Variants in PDE4B observed in about 807,000 individuals in gnomAD.
PDE4B encodes phosphodiesterase 4B, also known as 3',5'-cyclic-AMP phosphodiesterase 4B.
In PDE4B, 20 loss-of-function variants were observed where a neutral mutation model predicts 82.2. That is an observed-to-expected ratio of 0.24 (90% CI 0.17 to 0.35). PDE4B has a LOEUF of 0.35. Among genes scored for constraint, PDE4B ranks in the 10% least tolerant of loss-of-function variants. The pLI is 1.00. For missense variants in PDE4B, 655 were observed against 907.2 expected, an observed-to-expected ratio of 0.72 and a Z score of 3.57; for synonymous variants, 320 against 318.9, an observed-to-expected ratio of 1.00 and a Z score of -0.04.
intron 1 of PDE4B, among the ~76,000 whole-genome samples, chr1:65,900,192 G>A (rs78091177): frequency 0.014 from 2,144 of 151,906 alleles, 63 homozygotes; most frequent in African/African-American, 0.05. Context: ...AGCCAGTTAC[G>A]CCAGCACCAC....
chr1:66,066,912 A>G (rs1325448792), intron 3 of PDE4B, among the ~76,000 whole-genome samples: 1 of 152,048 alleles, frequency 6.6e-6, no homozygotes, highest in Admixed American at 6.6e-5. Flanking sequence ...AAACCTCACA[A>G]GATTATTCTG....
At chr1:66,198,726 A>C (rs923222881) in intron 3 of PDE4B, among the ~76,000 whole-genome samples, 3 of 152,014 alleles carry the variant, frequency 2.0e-5, no homozygotes, top group African/African-American at 4.8e-5. Flanking sequence ...CGTCATTTAG[A>C]ATTAGGTATA....
chr1:66,285,236 A>G (rs1156411706), intron 7 of PDE4B, among the ~76,000 whole-genome samples: 6 of 150,482 alleles, frequency 4.0e-5, no homozygotes. Flanking sequence ...CACCAATTCC[A>G]CTCTTAGATA....
intron 3 of PDE4B, among the ~76,000 whole-genome samples, chr1:66,071,991 T>C (rs1656178143): frequency 6.6e-6 from 1 of 152,066 alleles, no homozygotes; most frequent in Non-Finnish European, 1.5e-5. Context: ...TTTGTCAGTT[T>C]AGTGTTCTCT....
chr1:66,107,218 T>G (rs978420594), intron 3 of PDE4B, among the ~76,000 whole-genome samples: 23 of 152,020 alleles, frequency 1.5e-4, no homozygotes, highest in African/African-American at 2.2e-4. Context: ...TCAGGAGCAG[T>G]TTGTTCAGTT....
intron 3 of PDE4B, among the ~76,000 whole-genome samples, chr1:66,055,510 A>G (rs1481804788): frequency 1.3e-5 from 2 of 152,222 alleles, no homozygotes; most frequent in Non-Finnish European, 2.9e-5. Context: ...TTGATTTTCT[A>G]CTTCTTTCAA....
At chr1:66,318,841 C>G (rs528663885) in intron 7 of PDE4B, among the ~76,000 whole-genome samples, 26 of 152,314 alleles carry the variant, frequency 1.7e-4, no homozygotes, top group African/African-American at 5.8e-4. Flanking sequence ...TACAGCACAT[C>G]TGACCAGAGA....
At chr1:65,859,839 A>G (rs1161652788) in intron 1 of PDE4B, among the ~76,000 whole-genome samples, 1 of 152,144 alleles carries the variant, frequency 6.6e-6, no homozygotes, top group African/African-American at 2.4e-5. Flanking sequence ...AAATTTCTCC[A>G]CTCTTCTTAT....
chr1:65,891,550 T>G (rs1646853532), intron 1 of PDE4B, among the ~76,000 whole-genome samples: 1 of 152,056 alleles, frequency 6.6e-6, no homozygotes, highest in Non-Finnish European at 1.5e-5. Context: ...TCACATGTAG[T>G]CAAGCTCATT....
At chr1:65,924,068 A>T (rs1267583713) in intron 3 of PDE4B, among the ~76,000 whole-genome samples, 2 of 65,364 alleles carry the variant, frequency 3.1e-5, no homozygotes, top group African/African-American at 9.2e-5. Context: ...TCTGCCTTCC[A>T]GTTTGCTAAT....
intron 3 of PDE4B, among the ~76,000 whole-genome samples, chr1:65,965,143 A>G (rs1649746782): frequency 6.6e-6 from 1 of 151,890 alleles, no homozygotes; most frequent in Non-Finnish European, 1.5e-5. Flanking sequence ...CTGCCCTTTT[A>G]TTTAGGGACA....
chr1:66,159,496 C>T (rs1646567118), intron 3 of PDE4B, among the ~76,000 whole-genome samples: 1 of 152,056 alleles, frequency 6.6e-6, no homozygotes. Context: ...CTGCCTTGGC[C>T]TCCCAAAGTG....
At chr1:66,197,008 A>T (rs1648371438) in intron 3 of PDE4B, among the ~76,000 whole-genome samples, 1 of 152,032 alleles carries the variant, frequency 6.6e-6, no homozygotes, top group Non-Finnish European at 1.5e-5. Flanking sequence ...GGATAAAGAA[A>T]ATAACAAAAT....
chr1:65,865,791 T>C (rs1281120846), intron 1 of PDE4B, among the ~76,000 whole-genome samples: 1 of 152,168 alleles, frequency 6.6e-6, no homozygotes, highest in Non-Finnish European at 1.5e-5. Flanking sequence ...TTTGTTGGTC[T>C]CCCTGGGAGC....
At chr1:66,199,934 G>A (rs988355076) in intron 3 of PDE4B, among the ~76,000 whole-genome samples, 6 of 152,158 alleles carry the variant, frequency 3.9e-5, no homozygotes, top group Admixed American at 2.6e-4. Context: ...CCTATGTCCT[G>A]AATAGTATTG....
At chr1:66,117,968 ACCTGTGGTTT>A (rs1645630562) in intron 3 of PDE4B, among the ~76,000 whole-genome samples, 1 of 152,104 alleles carries the variant, frequency 6.6e-6, no homozygotes, top group Admixed American at 6.6e-5. Flanking sequence ...CCTCTCTAGC[ACCTGTGGTTT>A]CCTGACTTTT....
intron 3 of PDE4B, among the ~76,000 whole-genome samples, chr1:65,929,229 C>T (rs759695396): frequency 2.1e-4 from 32 of 152,210 alleles, no homozygotes; most frequent in African/African-American, 5.3e-4. Flanking sequence ...TTGCCTCAGG[C>T]GGCACAGGGT....
chr1:66,162,045 C>T (rs1395285003), intron 3 of PDE4B, among the ~76,000 whole-genome samples: 2 of 151,894 alleles, frequency 1.3e-5, no homozygotes, highest in South Asian at 2.1e-4. Context: ...AGTAGGTGCT[C>T]ACTGAATGGT....
chr1:65,946,917 A>G (rs1361631799), intron 3 of PDE4B, among the ~76,000 whole-genome samples: 1 of 152,060 alleles, frequency 6.6e-6, no homozygotes, highest in African/African-American at 2.4e-5. Flanking sequence ...CTAGGAGGCA[A>G]GATAGTAATT....
Sources: gnomAD v4.1 joint callset for allele counts (sites outside exome capture counted in the v4.1 genomes callset) on GRCh38, gnomAD v4.1.1 for gene constraint, MANE v1.5 for transcripts, NCBI Gene and HGNC (gene_info 2026-07-23, HGNC 2026-07-21) for gene names.